CLCA2: variants seen among roughly 807,000 people sequenced by gnomAD.
CLCA2 encodes calcium-activated chloride channel regulator 2.
Under a neutral mutation model 82.9 loss-of-function variants are expected in CLCA2, and 85 were observed. That is an observed-to-expected ratio of 1.03 (90% confidence interval 0.86 to 1.23). CLCA2 has a LOEUF of 1.23. Ranked by LOEUF, CLCA2 falls within the 50% of genes most tolerant of loss-of-function variation. The pLI, the probability that CLCA2 is intolerant of heterozygous loss-of-function variation, is 0.00. For synonymous variants in CLCA2, 421 were observed against 391.7 expected, an observed-to-expected ratio of 1.07 and a Z score of -0.88; for missense variants, 1,089 against 1,124.8, an observed-to-expected ratio of 0.97 and a Z score of 0.45.
intron 2 of CLCA2, among the ~76,000 whole-genome samples, chr1:86,427,988 A>G (rs1662422052): frequency 6.6e-6 from 1 of 152,198 alleles, no homozygotes; most frequent in Non-Finnish European, 1.5e-5. Context: ...AGGCTGTAAC[A>G]TTTTACAGCC....
In CLCA2 at chr1:86,438,898, A is replaced by G. The variant is rs372779531; in HGVS notation, c.995A>G (p.Gln332Arg). 1.1e-5 allele frequency: 17 copies of G among 1,613,948 alleles called. No individual in the cohort carries two copies. The highest frequency in any genetic ancestry group is 5.3e-5 in the African/African-American group (4 of 74,910). ...MAEADRLLQL[Q>R]QAAEFYLMQI... Reference sequence around the variant, plus strand: ...TAGGCTGACAGACTCCTTCAACTACAACAAGCCGCAGAATTTTATTTGATG... The same window carrying G: ...TAGGCTGACAGACTCCTTCAACTACGACAAGCCGCAGAATTTTATTTGATG... Residue 332 changes from glutamine (Q) to arginine (R), a missense_variant, in exon 7 of 14, where the codon CAA becomes CGA. Physicochemically the swap from Gln to Arg is conservative, Grantham distance 43. Transcript: ENST00000370565.
At chr1:86,431,617 G>C (rs1662500266) in intron 4 of CLCA2, among the ~76,000 whole-genome samples, 1 of 152,132 alleles carries the variant, frequency 6.6e-6, no homozygotes. Flanking sequence ...CAACATTTGA[G>C]ATCGCTTGTT....
rs899777902 is a variant in CLCA2, at chr1:86,441,596, G to A, written c.1488+53G>A. The A allele has an allele frequency of 6.1e-5, 73 of 1,193,846 alleles. No homozygotes were observed. The African/African-American group carries it at 9.8e-4, about 16-fold the overall frequency. The allele number at this position is 1,193,846 out of a possible 1,614,324, so 74.0% of individuals were successfully genotyped here. A position where few individuals can be genotyped will look rare whatever the true frequency, so the allele number is the denominator to read the frequency against. On this transcript the variant is annotated intron_variant, in intron 9 of 13. Transcript: ENST00000370565. ...CAGGTGGGGAGTGGGAAGGGAGAAG[G>A]AAACAAGGGAAATCAACGAATTGTG...
At chr1:86,436,370 T>C (rs1662609684) in intron 6 of CLCA2, among the ~76,000 whole-genome samples, 1 of 152,220 alleles carries the variant, frequency 6.6e-6, no homozygotes, top group Non-Finnish European at 1.5e-5. Context: ...CCTCCCTCCC[T>C]ACCTCCCTTT....
rs534635027 is a variant in CLCA2, at chr1:86,428,770, G to A, written c.475+202G>A. ...TTTAGCACCAGATTAGTGGCCCAGA[G>A]AGGAGTGCTATAAGAATTCAATCAA... On this transcript the variant is annotated intron_variant, in intron 3 of 13. Coordinates refer to ENST00000370565, the MANE Select transcript of CLCA2 (RefSeq NM_006536.7). Among the ~76,000 whole-genome samples, 3 of 152,298 alleles carry A rather than the reference G, an allele frequency of 2.0e-5. No individual in the cohort carries two copies. In the East Asian group the frequency reaches 5.8e-4, roughly 29 times the overall value.
chr1:86,448,845 T>C (rs1480793283), intron 11 of CLCA2, among the ~76,000 whole-genome samples: 2 of 152,268 alleles, frequency 1.3e-5, no homozygotes, highest in Non-Finnish European at 2.9e-5. Flanking sequence ...TTATCCATGG[T>C]TGCACCTTTC....
chr1:86,432,840 T>G (rs894631184), intron 5 of CLCA2, among the ~76,000 whole-genome samples: 4 of 152,164 alleles, frequency 2.6e-5, no homozygotes, highest in African/African-American at 9.7e-5. Flanking sequence ...TTAATGAGAG[T>G]GATATAACAA....
chr1:86,432,436 A>G lies in CLCA2; in HGVS notation c.652A>G (p.Ile218Val). ...KGPCPQENCI[I>V]SKLFKEGCTF... ...TCCTTGCCCCCAAGAAAACTGTATT[A>G]TTAGTAAGCTTTTTAAAGAAGGATG... The change falls in exon 5 of 14, where the codon ATT becomes GTT. Residue 218 changes from isoleucine (I) to valine (V), a missense_variant. By Grantham distance (29) the Ile-to-Val change is conservative. Coordinates refer to ENST00000370565, the MANE Select transcript of CLCA2 (RefSeq NM_006536.7). 3 of 1,614,070 alleles carry G rather than the reference A, an allele frequency of 1.9e-6. No individual in the cohort carries two copies. Among genetic ancestry groups the G allele is most frequent in the Non-Finnish European group, 2.5e-6 (3 of 1,179,972 alleles).
rs1431617274 is a variant in CLCA2 at position 86,430,912 on chromosome 1, G to T, written c.526G>T (p.Glu176Ter). The T allele has an allele frequency of 6.2e-7, 1 of 1,613,758 alleles. No individual in the cohort carries two copies. The highest frequency in any genetic ancestry group is 2.2e-5 in the East Asian group (1 of 44,880). Residue 176 changes from glutamate (E) to a stop codon, truncating the protein, a stop_gained, in exon 4 of 14, where the codon GAG (glutamate) becomes TAG (stop). Transcript: ENST00000370565. LOFTEE classifies it high-confidence loss of function. ...CCACCTCCGTTGGGGTGTGTTCGAT[G>T]AGTATAACAATGACAAACCTTTCTA... The part of the protein sequence containing the change: ...WAHLRWGVFD[E>*]YNNDKPFYIN...
Position 86,430,978 on chromosome 1 carries a change from CT to C in CLCA2, c.584+15del, listed in dbSNP as rs775398757. On this transcript the variant is annotated intron_variant, in intron 4 of 13. Transcript: ENST00000370565. ...TCAAATTAAAGTGACAAGGTTAGTA[CT>C]TTTTTTCATGTTATAATTCATTATT... is the stretch of plus-strand genomic sequence containing the variant. 1.8e-5 allele frequency: 28 copies of C among 1,567,580 alleles called. No individual in the cohort carries two copies. Among genetic ancestry groups the C allele is most frequent in the South Asian group, 3.4e-5 (3 of 88,416 alleles).
At position 86,456,090 on chromosome 1, in the gene CLCA2, C is replaced by T. The variant is rs1479222904; in HGVS notation, c.*563C>T. On this transcript the variant is annotated 3_prime_UTR_variant, in exon 14 of 14. Coordinates refer to ENST00000370565, the MANE Select transcript of CLCA2 (RefSeq NM_006536.7). ...ATCTTTTTTCACTGTAAGAGGTAAC[C>T]TTTAACAATATGGGTATTACCTTTG... 1.3e-5 allele frequency: 2 copies of T among 152,024 alleles called. No individual in the cohort carries two copies. Among genetic ancestry groups the T allele is most frequent in the Non-Finnish European group, 2.9e-5 (2 of 67,998 alleles). 9.4% of individuals were successfully genotyped at this position (152,024 alleles called of 1,614,324 possible). A position where few individuals can be genotyped will look rare whatever the true frequency, so the allele number is the denominator to read the frequency against.
chr1:86,431,494 G>T (rs1340737145), intron 4 of CLCA2, among the ~76,000 whole-genome samples: 1 of 152,092 alleles, frequency 6.6e-6, no homozygotes, highest in Non-Finnish European at 1.5e-5. Context: ...TCTCATACGT[G>T]CAGACAGATT....
At chr1:86,450,410 T>G (rs1030363122) in intron 11 of CLCA2, among the ~76,000 whole-genome samples, 153 bp from the exon 12 acceptor site, 2 of 152,172 alleles carry the variant, frequency 1.3e-5, no homozygotes, top group Admixed American at 1.3e-4. Flanking sequence ...CCCATTGGAT[T>G]TTTTATCACC....
At position 86,453,324 on chromosome 1, in the gene CLCA2, C is replaced by T. The variant is rs372275088; in HGVS notation, c.2156-45C>T. 5 of 1,473,976 alleles carry T rather than the reference C, an allele frequency of 3.4e-6. No individual in the cohort carries two copies. In the Admixed American group the frequency reaches 5.2e-5, roughly 15 times the overall value. The allele number at this position is 1,473,976 out of a possible 1,614,324, so 91.3% of individuals were successfully genotyped here. A position where few individuals can be genotyped will look rare whatever the true frequency, so the allele number is the denominator to read the frequency against. On this transcript the variant is annotated intron_variant, in intron 12 of 13. Transcript: ENST00000370565. ...GTGTCAAGAACAAGCTATTCAGAAG[C>T]TTTGTAATTTGTCATTTTGCCTTTT... is the stretch of plus-strand genomic sequence containing the variant.
chr1:86,433,929 CAT>C lies in CLCA2; in HGVS notation c.745-587_745-586del, dbSNP rs201403057. 6.4e-3 allele frequency among the ~76,000 whole-genome samples: 966 copies of C among 151,970 alleles called. 8 individuals are homozygous for C. Among genetic ancestry groups the C allele is most frequent in the African/African-American group, 0.022 (896 of 41,422 alleles). On this transcript the variant is annotated intron_variant, in intron 5 of 13. Coordinates refer to ENST00000370565, the MANE Select transcript of CLCA2 (RefSeq NM_006536.7). ...ACCATATTTTTAAGTGGGGTATTGA[CAT>C]AGGTTCAGTATCATTTAGTGAATTA...
chr1:86,436,255 T>C (rs1662607924), intron 6 of CLCA2, among the ~76,000 whole-genome samples: 1 of 152,330 alleles, frequency 6.6e-6, no homozygotes, highest in African/African-American at 2.4e-5. Flanking sequence ...CTCAGTGACA[T>C]CACATTGACA....
intron 1 of CLCA2, among the ~76,000 whole-genome samples, chr1:86,424,813 G>A (rs2101686662): frequency 6.6e-6 from 1 of 152,252 alleles, no homozygotes; most frequent in East Asian, 1.9e-4. Context: ...AAATCATATT[G>A]CTAGATTCCA....
intron 6 of CLCA2, among the ~76,000 whole-genome samples, chr1:86,436,119 C>T (rs1009607475): frequency 6.6e-6 from 1 of 152,160 alleles, no homozygotes; most frequent in African/African-American, 2.4e-5. Context: ...CCAGCAAAGC[C>T]TAAAATATTT....
intron 13 of CLCA2, among the ~76,000 whole-genome samples, chr1:86,454,587 T>A (rs1663033645): frequency 6.6e-6 from 1 of 151,892 alleles, no homozygotes; most frequent in South Asian, 2.1e-4. Context: ...AGGTCAGGAG[T>A]TCGAGACCAG....
Sources: allele counts gnomAD v4.1 joint callset (sites outside exome capture counted in the v4.1 genomes callset), GRCh38; gene constraint gnomAD v4.1.1; transcripts MANE v1.5; gene names NCBI Gene and HGNC (gene_info 2026-07-23, HGNC 2026-07-21).